Variants in DGKZ observed in about 807,000 individuals in gnomAD.
DGKZ encodes the protein diacylglycerol kinase zeta.
Under a neutral mutation model 142.5 loss-of-function variants are expected in DGKZ, and 45 were observed. That is an observed-to-expected ratio of 0.32 (90% CI 0.25 to 0.40). The LOEUF is 0.40. Ranked by LOEUF, DGKZ falls within the 10% of genes least tolerant of loss-of-function variation. The probability of loss-of-function intolerance (pLI) is 1.00; values close to 1 mark genes in which losing one functional copy is unlikely to be tolerated. For synonymous variants in DGKZ, 442 were observed against 527.0 expected (o/e 0.84, Z 2.21); for missense variants, 755 against 1,306.5 (o/e 0.58, Z 6.51).
At chr11:46,339,385 C>A (rs538891422) in intron 1 of DGKZ, among the ~76,000 whole-genome samples, 13 of 152,234 alleles carry the variant, frequency 8.5e-5, no homozygotes, top group Non-Finnish European at 1.6e-4. Flanking sequence ...GAGGGGACCA[C>A]GGCCAGAGGA....
At chr11:46,361,149 AT>A (rs1942599231) in intron 1 of DGKZ, among the ~76,000 whole-genome samples, 1 of 152,338 alleles carries the variant, frequency 6.6e-6, no homozygotes, top group Non-Finnish European at 1.5e-5. Context: ...ACAGATACTT[AT>A]TTTTGTGATT....
chr11:46,359,528 T>C (rs150451601), intron 1 of DGKZ, among the ~76,000 whole-genome samples: 1,651 of 152,320 alleles, frequency 0.011, 11 homozygotes, highest in Non-Finnish European at 0.018. Context: ...GACTGGTGCT[T>C]GATGTTACAA....
In DGKZ at chr11:46,372,409, G is replaced by C; in HGVS notation, c.928-19G>C. ...TCCCACCACTGCCTGACTGTCTCTT[G>C]GCTCCCCATCCCATCCAGGGTGCAA... On this transcript the variant is annotated intron_variant, in intron 10 of 30. Coordinates refer to ENST00000527911, the Ensembl canonical transcript of DGKZ. The surrounding 1 kb of genome is among the most constrained non-coding windows in gnomAD (Gnocchi z 5.9). 6.2e-7 allele frequency: 1 copy of C among 1,613,542 alleles called. No individual in the cohort carries two copies. Among genetic ancestry groups the C allele is most frequent in the South Asian group, 1.1e-5 (1 of 91,066 alleles).
At chr11:46,358,188 G>A (rs754737082) in intron 1 of DGKZ, among the ~76,000 whole-genome samples, 2 of 152,116 alleles carry the variant, frequency 1.3e-5, no homozygotes, top group Non-Finnish European at 2.9e-5. Flanking sequence ...CCCTCAACGC[G>A]AATCTAGGCA....
chr11:46,378,365 A>G lies in DGKZ; in HGVS notation c.2375-92A>G, dbSNP rs116227656. 4.6e-4 allele frequency: 713 copies of G among 1,544,612 alleles called. 4 individuals carry two copies. In the African/African-American group the frequency reaches 8.7e-3, roughly 19 times the overall value. On this transcript the variant is annotated intron_variant, in intron 26 of 30. Transcript: ENST00000527911. ...TTCACGCACCAACGGAGCCCTGGGC[A>G]CACATGCCTGGCCGGCACAGTCCTG...
At chr11:46,356,839 C>T (rs1224111547) in intron 1 of DGKZ, among the ~76,000 whole-genome samples, 2 of 152,120 alleles carry the variant, frequency 1.3e-5, no homozygotes, top group African/African-American at 4.8e-5. Context: ...GATAAGAATA[C>T]CAACTATTCT....
chr11:46,379,418 G>T, intron 29 of DGKZ, 51 bp from the exon 30 acceptor site: 1 of 1,589,622 alleles, frequency 6.3e-7, no homozygotes, highest in South Asian at 1.1e-5. Context: ...GGAGACAGAT[G>T]GGTGGATCAG....
At chr11:46,379,510 G>A (rs752992886) in exon 30 of DGKZ, 2 of 1,611,396 alleles carry the variant, frequency 1.2e-6, no homozygotes, top group East Asian at 2.2e-5. Context: ...CTGGGCCAGC[G>A]CACCATCTGC....
intron 1 of DGKZ, among the ~76,000 whole-genome samples, chr11:46,352,513 A>C (rs1941528016): frequency 6.6e-6 from 1 of 151,862 alleles, no homozygotes. Context: ...GCCCAGGCCC[A>C]GCCAGGTGGC....
At chr11:46,361,513 A>C in intron 1 of DGKZ, 1 of 527,694 alleles carries the variant, frequency 1.9e-6, no homozygotes, top group Non-Finnish European at 2.4e-6. Flanking sequence ...TTCAGTTACC[A>C]ATCGGGTTAT....
At chr11:46,377,233 C>G (rs1373705523) in intron 25 of DGKZ, 21 bp downstream of exon 25, 1 of 1,556,048 alleles carries the variant, frequency 6.4e-7, no homozygotes, top group East Asian at 2.3e-5. Context: ...GTGTCCCGTC[C>G]CTCCAGCCCC....
At chr11:46,339,927 T>C (rs1455547865) in intron 1 of DGKZ, among the ~76,000 whole-genome samples, 1 of 152,228 alleles carries the variant, frequency 6.6e-6, no homozygotes, top group Non-Finnish European at 1.5e-5. Context: ...GAACTGGGAC[T>C]GGACTCTAGG....
upstream of DGKZ, chr11:46,345,443 G>C: frequency 6.8e-7 from 1 of 1,469,422 alleles, no homozygotes; most frequent in East Asian, 2.9e-5. The surrounding 1 kb of genome is among the most constrained non-coding windows in gnomAD (Gnocchi z 4.1). Context: ...CAGTGCCGGG[G>C]GAAGCTGCAA....
intron 5 of DGKZ, 152 bp downstream of exon 5, chr11:46,369,702 T>TA: frequency 9.3e-7 from 1 of 1,071,528 alleles, no homozygotes; most frequent in East Asian, 2.5e-5. Context: ...GAGGCCTAAC[T>TA]AGCGCTGCCT....
intron 27 of DGKZ, 89 bp downstream of exon 27, chr11:46,378,589 G>A (rs923641439): frequency 4.5e-6 from 7 of 1,541,390 alleles, no homozygotes; most frequent in Non-Finnish European, 6.3e-6. Context: ...GAGCTGACCT[G>A]CTCAGGTGCT....
intron 4 of DGKZ, chr11:46,368,962 T>C (rs1383973466): frequency 1.1e-5 from 2 of 175,702 alleles, no homozygotes; most frequent in African/African-American, 2.4e-5. Context: ...TCCCAGCACT[T>C]TGGGAGGCCG....
chr11:46,333,067 C>G, exon 1 of DGKZ: 1 of 380,336 alleles, frequency 2.6e-6, no homozygotes, highest in Non-Finnish European at 4.5e-6. Context: ...CCCCCCGGAG[C>G]GCAGGAGGAC....
chr11:46,365,912 G>A lies in DGKZ; in HGVS notation c.162-1379G>A, dbSNP rs1238357282. 9 of 985,308 alleles carry A rather than the reference G, an allele frequency of 9.1e-6. No homozygotes were observed. The South Asian group carries it at 3.3e-4, about 36-fold the overall frequency. The allele number at this position is 985,308 out of a possible 1,614,324, so 61.0% of individuals were successfully genotyped here. A position where few individuals can be genotyped will look rare whatever the true frequency, so the allele number is the denominator to read the frequency against. ...TAGGCCCAGAGCTCTGTAGATTCTG[G>A]TGCCTGGATGGGGGAAGAAGGGGTA... On this transcript the variant is annotated intron_variant, in intron 1 of 30. Transcript: ENST00000527911.
At position 46,376,406 on chromosome 11, in the gene DGKZ, A is replaced by G. The variant is rs1221733524; in HGVS notation, c.2161+9A>G. ...GTGGTGCTTCCTGGACGGTGAGTCT[A>G]CTCCCAGGGTGCCAAGCTGTTTCGT... On this transcript the variant is annotated intron_variant, in intron 23 of 30. Coordinates refer to ENST00000527911, the Ensembl canonical transcript of DGKZ. The G allele has an allele frequency of 2.4e-5, 38 of 1,613,774 alleles. No individual in the cohort carries two copies. The highest frequency in any genetic ancestry group is 3.2e-5 in the Non-Finnish European group (38 of 1,179,924).
Sources: gnomAD v4.1 joint callset for allele counts (sites outside exome capture counted in the v4.1 genomes callset) on GRCh38, gnomAD v4.1.1 for gene constraint, Gnocchi (gnomAD v3.1) non-coding constraint, MANE v1.5 for transcripts, NCBI Gene and HGNC (gene_info 2026-07-23, HGNC 2026-07-21) for gene names.